NCKAP5: variants seen among roughly 807,000 people sequenced by gnomAD.
NCKAP5 encodes NCK associated protein 5.
NCKAP5 carries 92 observed loss-of-function variants against 167.0 expected under a neutral mutation model. The ratio of observed to expected loss-of-function variants is 0.55; its 90% CI spans 0.47 to 0.66. The LOEUF (loss-of-function observed/expected upper bound fraction) is 0.66. Among genes scored for constraint, NCKAP5 ranks in the 30% least tolerant of loss-of-function variants. NCKAP5 has a pLI of 0.00. For missense variants in NCKAP5, 2,378 were observed against 2,315.0 expected (o/e 1.03, Z -0.56); for synonymous variants, 891 against 877.4 (o/e 1.02, Z -0.27).
At chr2:132,785,997 A>G (rs891973177) in intron 13 of NCKAP5, among the ~76,000 whole-genome samples, 1 of 152,236 alleles carries the variant, frequency 6.6e-6, no homozygotes, top group Non-Finnish European at 1.5e-5. Flanking sequence ...ATTGGCCACA[A>G]CTAACTGTAT....
intron 3 of NCKAP5, among the ~76,000 whole-genome samples, chr2:133,478,596 C>G (rs1395989251): frequency 6.6e-6 from 1 of 152,124 alleles, no homozygotes; most frequent in East Asian, 1.9e-4. Flanking sequence ...ACAGCCAAGG[C>G]TCATGCAGAT....
chr2:133,546,448 TC>T lies in NCKAP5; in HGVS notation c.-62+12601del, dbSNP rs371634941. 1.2e-4 allele frequency among the ~76,000 whole-genome samples: 18 copies of T among 152,288 alleles called. No individual in the cohort carries two copies. In the East Asian group the frequency reaches 3.5e-3, roughly 29 times the overall value. ...TCAGCTCTGTGTGATAAACCTGCCG[TC>T]CTGCTCATGTATACTCCACTTACCA... On this transcript the variant is annotated intron_variant, in intron 2 of 19. Coordinates refer to ENST00000409261, the MANE Select transcript of NCKAP5 (RefSeq NM_207363.3).
intron 4 of NCKAP5, among the ~76,000 whole-genome samples, chr2:133,263,687 G>A (rs935002058): frequency 1.3e-5 from 2 of 152,006 alleles, no homozygotes; most frequent in African/African-American, 4.8e-5. Context: ...CTACACAAAG[G>A]CCTTCTGTAC....
intron 3 of NCKAP5, among the ~76,000 whole-genome samples, chr2:133,455,011 A>G (rs950176294): frequency 6.6e-6 from 1 of 152,106 alleles, no homozygotes; most frequent in Non-Finnish European, 1.5e-5. Context: ...AAATAATATT[A>G]AAAAATATTT....
At chr2:132,769,026 C>T (rs1435253635) in intron 16 of NCKAP5, among the ~76,000 whole-genome samples, 1 of 150,290 alleles carries the variant, frequency 6.7e-6, no homozygotes, top group African/African-American at 2.5e-5. Flanking sequence ...CTTACTGCAC[C>T]CTGGACCTCC....
the NCKAP5 span, among the ~76,000 whole-genome samples, chr2:133,642,665 A>G: frequency 2.4e-3 from 372 of 152,362 alleles, 3 homozygotes; most frequent in African/African-American, 8.8e-3. Flanking sequence ...ACATGCTCAT[A>G]GCATTTCACA....
chr2:133,116,754 T>C (rs1423010303), intron 6 of NCKAP5, among the ~76,000 whole-genome samples: 1 of 152,200 alleles, frequency 6.6e-6, no homozygotes, highest in East Asian at 1.9e-4. Flanking sequence ...AGACCTGACT[T>C]AAATCCTGAT....
chr2:132,942,150 A>G (rs867336374), intron 8 of NCKAP5, among the ~76,000 whole-genome samples: 5 of 152,360 alleles, frequency 3.3e-5, no homozygotes, highest in Non-Finnish European at 4.4e-5. Context: ...TTGACAGAGC[A>G]GAAAAGGAGG....
chr2:132,887,657 T>C (rs1278798952), intron 8 of NCKAP5, among the ~76,000 whole-genome samples: 1 of 152,094 alleles, frequency 6.6e-6, no homozygotes, highest in Non-Finnish European at 1.5e-5. Context: ...TACACTCCCA[T>C]TGGCCAAATA....
intron 2 of NCKAP5, among the ~76,000 whole-genome samples, chr2:133,529,635 T>A (rs1460880434): frequency 6.6e-6 from 1 of 152,228 alleles, no homozygotes; most frequent in Non-Finnish European, 1.5e-5. Flanking sequence ...AGAAATTGAC[T>A]AATTGCCTTC....
At chr2:133,602,457 C>T in the NCKAP5 span, among the ~76,000 whole-genome samples, 12 of 152,220 alleles carry the variant, frequency 7.9e-5, no homozygotes, top group South Asian at 2.5e-3. Context: ...GACTAAGGTG[C>T]TGGTCCTTTC....
chr2:133,366,990 C>T (rs142272293), intron 3 of NCKAP5, among the ~76,000 whole-genome samples: 2 of 152,296 alleles, frequency 1.3e-5, no homozygotes, highest in African/African-American at 4.8e-5. Flanking sequence ...GCCCAAACAG[C>T]GATTGGCTGA....
intron 2 of NCKAP5, among the ~76,000 whole-genome samples, chr2:133,540,013 T>C (rs1686092139): frequency 6.6e-6 from 1 of 152,076 alleles, no homozygotes; most frequent in Non-Finnish European, 1.5e-5. Context: ...ACCCCATCTC[T>C]ACTAAAAATA....
At chr2:132,935,587 C>T (rs773790136) in intron 8 of NCKAP5, among the ~76,000 whole-genome samples, 3 of 152,036 alleles carry the variant, frequency 2.0e-5, no homozygotes, top group Non-Finnish European at 2.9e-5. Flanking sequence ...GCGAGTCTAT[C>T]ACACCGGATG....
intron 8 of NCKAP5, among the ~76,000 whole-genome samples, chr2:132,945,858 G>C (rs1467452903): frequency 6.6e-6 from 1 of 152,192 alleles, no homozygotes; most frequent in Non-Finnish European, 1.5e-5. Flanking sequence ...CAGGGCTGAA[G>C]GATTCAAACT....
rs552629580 is a variant in NCKAP5, at chr2:133,100,991, G to C, written c.341+28987C>G. 2.8e-3 allele frequency among the ~76,000 whole-genome samples: 432 copies of C among 152,214 alleles called. 2 individuals are homozygous for C. Among genetic ancestry groups the C allele is most frequent in the African/African-American group, 0.01 (416 of 41,522 alleles). ...AAGTCCTTGCCCACACCTATGTCCT[G>C]AATGGTAATGCCTAGGTTTTCTTCT... On this transcript the variant is annotated intron_variant, in intron 6 of 19. Transcript: ENST00000409261.
intron 6 of NCKAP5, among the ~76,000 whole-genome samples, chr2:133,129,239 TC>T (rs942242174): frequency 6.6e-6 from 1 of 151,726 alleles, no homozygotes; most frequent in African/African-American, 2.4e-5. Context: ...ATGTTATCCC[TC>T]CCCGCTCCCC....
At chr2:133,487,496 CA>C (rs1352859983) in intron 3 of NCKAP5, among the ~76,000 whole-genome samples, 10 of 152,102 alleles carry the variant, frequency 6.6e-5, no homozygotes. Context: ...ATAGAATGGT[CA>C]GGGGGTGGAG....
At chr2:133,242,906 C>A (rs1318223361) in intron 4 of NCKAP5, among the ~76,000 whole-genome samples, 3 of 152,170 alleles carry the variant, frequency 2.0e-5, no homozygotes, top group African/African-American at 7.2e-5. Flanking sequence ...TTAGCTCAAG[C>A]GTTAGATGAC....
Sources: allele counts gnomAD v4.1 joint callset (sites outside exome capture counted in the v4.1 genomes callset), GRCh38; gene constraint gnomAD v4.1.1; transcripts MANE v1.5; gene names NCBI Gene and HGNC (gene_info 2026-07-23, HGNC 2026-07-21).